Variants in AKT3 observed in about 807,000 individuals in gnomAD.
AKT3 encodes RAC-gamma serine/threonine-protein kinase.
A neutral mutation model predicts 65.3 loss-of-function variants in AKT3; 15 were observed. That is an observed-to-expected ratio of 0.23 (90% CI 0.15 to 0.35). The LOEUF (loss-of-function observed/expected upper bound fraction) is 0.35. Among genes scored for constraint, AKT3 ranks in the 10% least tolerant of loss-of-function variants. The probability of loss-of-function intolerance (pLI) is 1.00; values close to 1 mark genes in which losing one functional copy is unlikely to be tolerated. For synonymous variants in AKT3, 206 were observed against 183.8 expected (o/e 1.12, Z -0.98); for missense variants, 243 against 576.5 (o/e 0.42, Z 5.92).
chr1:243,844,666 A>G (rs1429915515), intron 1 of AKT3, among the ~76,000 whole-genome samples: 1 of 152,128 alleles, frequency 6.6e-6, no homozygotes, highest in East Asian at 1.9e-4. Context: ...TTTTGTGGAG[A>G]TGGGGTCCCG....
At position 243,594,360 on chromosome 1, in the gene AKT3, C is replaced by CT. The variant is rs573327110; in HGVS notation, c.696+19310dup. On this transcript the variant is annotated intron_variant, in intron 8 of 13. Coordinates refer to ENST00000673466, the MANE Select transcript of AKT3 (RefSeq NM_005465.7). ...CAATCATAATCAAAGTTACAGCAGA[C>CT]TTTTTTGTAAAAATTGACATGATAA... Among the ~76,000 whole-genome samples, 10 of 152,200 alleles carry CT rather than the reference C, an allele frequency of 6.6e-5. No homozygotes were observed. The East Asian group carries it at 1.7e-3, about 26-fold the overall frequency.
At chr1:243,557,886 G>T (rs146436948) in intron 10 of AKT3, among the ~76,000 whole-genome samples, 2 of 152,072 alleles carry the variant, frequency 1.3e-5, no homozygotes, top group East Asian at 1.9e-4. Context: ...CACAATTTTA[G>T]AAAGGCTACT....
At chr1:243,811,444 C>T (rs1693145697) in intron 2 of AKT3, among the ~76,000 whole-genome samples, 1 of 152,038 alleles carries the variant, frequency 6.6e-6, no homozygotes, top group Admixed American at 6.5e-5. Flanking sequence ...AATAAAATAC[C>T]TAGGAATCCA....
At chr1:243,575,300 T>C (rs1674858610) in intron 8 of AKT3, among the ~76,000 whole-genome samples, 1 of 152,178 alleles carries the variant, frequency 6.6e-6, no homozygotes, top group Admixed American at 6.5e-5. Flanking sequence ...AACCAACTTT[T>C]CAATTCAGCA....
intron 8 of AKT3, among the ~76,000 whole-genome samples, chr1:243,600,143 T>C (rs1247392454): frequency 1.3e-5 from 2 of 152,058 alleles, no homozygotes; most frequent in South Asian, 4.1e-4. Flanking sequence ...CTACATAATA[T>C]TGTTGAAAGA....
At chr1:243,846,068 T>C (rs1695507995) in intron 1 of AKT3, among the ~76,000 whole-genome samples, 1 of 152,214 alleles carries the variant, frequency 6.6e-6, no homozygotes, top group African/African-American at 2.4e-5. Flanking sequence ...CATATATAGA[T>C]GGCATCATAA....
intron 8 of AKT3, among the ~76,000 whole-genome samples, chr1:243,580,874 G>C (rs1450063459): frequency 6.6e-6 from 1 of 152,078 alleles, no homozygotes; most frequent in Non-Finnish European, 1.5e-5. Flanking sequence ...TGGACATAAC[G>C]TTATGGTGAA....
intron 2 of AKT3, among the ~76,000 whole-genome samples, chr1:243,784,194 A>C (rs946330128): frequency 1.3e-5 from 2 of 152,210 alleles, no homozygotes; most frequent in Admixed American, 1.3e-4. Context: ...TGAGAAGTAC[A>C]TAATGAAAAA....
chr1:243,666,710 G>A (rs1682806348), intron 3 of AKT3, among the ~76,000 whole-genome samples: 1 of 152,024 alleles, frequency 6.6e-6, no homozygotes, highest in African/African-American at 2.4e-5. Context: ...ATATTATAAG[G>A]CAAAAATGCA....
intron 13 of AKT3, among the ~76,000 whole-genome samples, chr1:243,510,798 T>G (rs2148359275): frequency 6.6e-6 from 1 of 152,190 alleles, no homozygotes; most frequent in South Asian, 2.1e-4. Context: ...CACCGGAAGG[T>G]TTTAAGCAGA....
chr1:243,707,863 C>G (rs1685902584), intron 2 of AKT3, among the ~76,000 whole-genome samples: 2 of 152,024 alleles, frequency 1.3e-5, no homozygotes, highest in African/African-American at 2.4e-5. Context: ...ATTTCAACTT[C>G]TAGTATATTT....
chr1:243,834,248 A>T (rs1694741842), intron 2 of AKT3, among the ~76,000 whole-genome samples: 2 of 152,206 alleles, frequency 1.3e-5, no homozygotes, highest in African/African-American at 4.8e-5. Context: ...AACAGAAAAG[A>T]CACAGAATCA....
intron 2 of AKT3, among the ~76,000 whole-genome samples, chr1:243,768,563 C>A (rs1006669571): frequency 7.2e-5 from 11 of 152,174 alleles, no homozygotes; most frequent in African/African-American, 2.6e-4. Flanking sequence ...ATAGGCCGGG[C>A]GTGGTGGCTC....
chr1:243,537,394 AAATT>A (rs1315959904), intron 12 of AKT3, among the ~76,000 whole-genome samples: 8 of 152,174 alleles, frequency 5.3e-5, no homozygotes, highest in Non-Finnish European at 1.0e-4. Flanking sequence ...ATTCTATCTG[AAATT>A]AATTACCAAA....
chr1:243,842,338 CT>C (rs1181821817), intron 2 of AKT3, among the ~76,000 whole-genome samples: 1 of 152,088 alleles, frequency 6.6e-6, no homozygotes, highest in African/African-American at 2.4e-5. Flanking sequence ...TGGAACAGTC[CT>C]CATCCTACTC....
chr1:243,820,374 C>G (rs1207642408), intron 2 of AKT3, among the ~76,000 whole-genome samples: 1 of 152,094 alleles, frequency 6.6e-6, no homozygotes, highest in Non-Finnish European at 1.5e-5. Context: ...CATTGAGAAC[C>G]CCAAAAGCCA....
chr1:243,808,968 G>A (rs1169716371), intron 2 of AKT3, among the ~76,000 whole-genome samples: 1 of 152,180 alleles, frequency 6.6e-6, no homozygotes, highest in East Asian at 1.9e-4. Context: ...ATACTTTACA[G>A]ACAAGTAAAT....
intron 4 of AKT3, among the ~76,000 whole-genome samples, chr1:243,652,679 T>C (rs1334125067): frequency 1.3e-5 from 2 of 149,880 alleles, no homozygotes; most frequent in South Asian, 2.1e-4. Flanking sequence ...GATCCATCAA[T>C]GTGCTGTATT....
chr1:243,533,323 G>A (rs1256798609), intron 12 of AKT3, among the ~76,000 whole-genome samples: 2 of 152,132 alleles, frequency 1.3e-5, no homozygotes, highest in African/African-American at 2.4e-5. Flanking sequence ...ATAGTTGAAG[G>A]TTTCACTTCT....
Sources: gnomAD v4.1 joint callset for allele counts (sites outside exome capture counted in the v4.1 genomes callset) on GRCh38, gnomAD v4.1.1 for gene constraint, MANE v1.5 for transcripts, NCBI Gene and HGNC (gene_info 2026-07-23, HGNC 2026-07-21) for gene names.